REDIC1: variants seen among roughly 807,000 people sequenced by gnomAD.
The protein encoded by REDIC1 is HEI10 Interacting Protein 1.
chr12:39,683,240 A>C, the REDIC1 span: 1 of 1,257,184 alleles, frequency 8.0e-7, no homozygotes, highest in Non-Finnish European at 1.1e-6. Flanking sequence ...ATATATTTGT[A>C]TGTGTGTTTA....
chr12:39,831,587 C>A, the REDIC1 span, among the ~76,000 whole-genome samples: 5 of 152,014 alleles, frequency 3.3e-5, no homozygotes, highest in Non-Finnish European at 5.9e-5. Flanking sequence ...TTATGTTGGT[C>A]CTTTCCAAAT....
chr12:39,806,076 T>G, the REDIC1 span, among the ~76,000 whole-genome samples: 8 of 152,220 alleles, frequency 5.3e-5, no homozygotes, highest in Non-Finnish European at 1.0e-4. Context: ...GCAACAGAAC[T>G]GATTATTTAA....
chr12:39,749,136 T>C, the REDIC1 span, among the ~76,000 whole-genome samples: 1 of 151,854 alleles, frequency 6.6e-6, no homozygotes, highest in Non-Finnish European at 1.5e-5. Context: ...CAGGAACTGG[T>C]TTTTTGAAAA....
chr12:39,896,029 T>C, the REDIC1 span, among the ~76,000 whole-genome samples: 1 of 130,972 alleles, frequency 7.6e-6, no homozygotes, highest in East Asian at 2.8e-4. Flanking sequence ...TATACATACA[T>C]GCATATGTTT....
At chr12:39,815,416 G>A in the REDIC1 span, among the ~76,000 whole-genome samples, 2,602 of 152,200 alleles carry the variant, frequency 0.017, 71 homozygotes, top group African/African-American at 0.057. Flanking sequence ...AGAATAAATC[G>A]AACAGGTTCT....
the REDIC1 span, among the ~76,000 whole-genome samples, chr12:39,670,143 C>T: frequency 1.1e-4 from 16 of 152,250 alleles, no homozygotes; most frequent in South Asian, 4.1e-4. Context: ...GTGTAGCTCA[C>T]GCTGGGAGCT....
At chr12:39,666,591 A>C in the REDIC1 span, among the ~76,000 whole-genome samples, 3 of 152,216 alleles carry the variant, frequency 2.0e-5, no homozygotes, top group Non-Finnish European at 4.4e-5. Flanking sequence ...AAAATGAGTT[A>C]GGGAGGATTC....
the REDIC1 span, chr12:39,760,262 A>T: frequency 6.3e-7 from 1 of 1,597,522 alleles, no homozygotes; most frequent in Non-Finnish European, 8.6e-7. Context: ...CCTGCAACGG[A>T]ATATAATAGA....
At chr12:39,716,701 A>G in the REDIC1 span, 8 of 1,267,764 alleles carry the variant, frequency 6.3e-6, no homozygotes, top group East Asian at 2.0e-4. Flanking sequence ...TGGCATATGT[A>G]TGTTGTAGAT....
the REDIC1 span, among the ~76,000 whole-genome samples, chr12:39,653,492 G>GTCGTCTTCTTCTTCTTCTTCTTCT: frequency 3.5e-4 from 19 of 54,352 alleles, no homozygotes; most frequent in African/African-American, 8.4e-4. Context: ...CAATCTGGAT[G>GTCGTCTTCTTCTTCTTCTTCTTCT]TCTTCTTCTT....
chr12:39,691,544 A>T, the REDIC1 span, among the ~76,000 whole-genome samples: 1 of 152,262 alleles, frequency 6.6e-6, no homozygotes, highest in Non-Finnish European at 1.5e-5. Context: ...ATAAAGAAAC[A>T]CTCAGGGTTC....
chr12:39,731,279 A>G, the REDIC1 span, among the ~76,000 whole-genome samples: 23 of 152,046 alleles, frequency 1.5e-4, no homozygotes, highest in Admixed American at 1.4e-3. Flanking sequence ...GTTTTTCCTC[A>G]TCTTTGTGGA....
chr12:39,709,824 A>G, the REDIC1 span, among the ~76,000 whole-genome samples: 4 of 151,758 alleles, frequency 2.6e-5, no homozygotes, highest in Admixed American at 1.3e-4. Context: ...TATCTCTTCT[A>G]TTAGATATAT....
the REDIC1 span, among the ~76,000 whole-genome samples, chr12:39,872,775 A>G: frequency 6.6e-6 from 1 of 152,252 alleles, no homozygotes; most frequent in Non-Finnish European, 1.5e-5. Flanking sequence ...GAAAACAAAG[A>G]AAACAAAATA....
At chr12:39,820,425 T>A in the REDIC1 span, among the ~76,000 whole-genome samples, 2 of 152,316 alleles carry the variant, frequency 1.3e-5, no homozygotes. Flanking sequence ...CATATTCCAA[T>A]GCTAAAACAT....
the REDIC1 span, among the ~76,000 whole-genome samples, chr12:39,730,768 C>T: frequency 6.6e-6 from 1 of 152,120 alleles, no homozygotes; most frequent in Non-Finnish European, 1.5e-5. Context: ...TTCCATTCTC[C>T]CCGTCACCTT....
the REDIC1 span, among the ~76,000 whole-genome samples, chr12:39,689,526 C>T: frequency 3.3e-5 from 5 of 152,038 alleles, no homozygotes; most frequent in African/African-American, 1.2e-4. Context: ...ATGTTTCAGC[C>T]TTTATGAATA....
At chr12:39,710,443 A>G in the REDIC1 span, among the ~76,000 whole-genome samples, 2 of 151,318 alleles carry the variant, frequency 1.3e-5, no homozygotes, top group African/African-American at 4.9e-5. Flanking sequence ...CTTCATACCT[A>G]GATTATTCAG....
chr12:39,655,861 C>T, the REDIC1 span, among the ~76,000 whole-genome samples: 2 of 152,194 alleles, frequency 1.3e-5, no homozygotes, highest in Admixed American at 6.5e-5. Context: ...TTGGTTACTT[C>T]ACACATTCTG....
Sources: allele counts gnomAD v4.1 joint callset (sites outside exome capture counted in the v4.1 genomes callset), GRCh38; gene constraint gnomAD v4.1.1; transcripts MANE v1.5; gene names NCBI Gene and HGNC (gene_info 2026-07-23, HGNC 2026-07-21).